Variants in NAV3 observed in about 807,000 individuals in gnomAD.
The protein encoded by NAV3 is neuron navigator 3, also known as pore membrane and/or filament interacting like protein 1.
In NAV3, 87 loss-of-function variants were observed where a neutral mutation model predicts 244.7. That is an observed-to-expected ratio of 0.36 (90% CI 0.30 to 0.42). The LOEUF (loss-of-function observed/expected upper bound fraction) is 0.42. Ranked by LOEUF, NAV3 falls within the 20% of genes least tolerant of loss-of-function variation. The pLI, the probability that NAV3 is intolerant of heterozygous loss-of-function variation, is 1.00. For synonymous variants in NAV3, 1,126 were observed against 1,042.2 expected, an observed-to-expected ratio of 1.08 and a Z score of -1.55; for missense variants, 2,663 against 2,893.3, an observed-to-expected ratio of 0.92 and a Z score of 1.83.
chr12:78,122,399 G>T lies in NAV3; in HGVS notation c.4209G>T (p.Thr1403=), dbSNP rs367571223. Residue 1403 remains threonine (T), a synonymous_variant, in exon 16 of 40, where the codon ACG becomes ACT. Transcript: ENST00000397909. ...THEVQSLLMR[T]GSVRSTLSES... is the part of the protein sequence containing the mutation. ...AGGTCCAGAGCCTGCTCATGAGAACGGGTAGTGTGAGATCTACTCTCTCAG... is the reference window on the plus strand; with the variant it reads ...AGGTCCAGAGCCTGCTCATGAGAACTGGTAGTGTGAGATCTACTCTCTCAG... 1.6e-5 allele frequency: 25 copies of T among 1,608,910 alleles called. No individual in the cohort carries two copies. The highest frequency in any genetic ancestry group is 2.1e-5 in the Non-Finnish European group (25 of 1,178,274).
chr12:77,929,095 A>T (rs958428991), intron 1 of NAV3, among the ~76,000 whole-genome samples: 1 of 152,178 alleles, frequency 6.6e-6, no homozygotes, highest in Non-Finnish European at 1.5e-5. Context: ...TGTAATAATG[A>T]TATTTATGCA....
chr12:78,067,404 G>A (rs1470213968), intron 12 of NAV3, among the ~76,000 whole-genome samples: 1 of 152,038 alleles, frequency 6.6e-6, no homozygotes, highest in East Asian at 1.9e-4. Context: ...TAATAGGGAC[G>A]TGGAAAAACT....
At chr12:77,957,239 G>A (rs893194451) in intron 3 of NAV3, among the ~76,000 whole-genome samples, 6 of 152,104 alleles carry the variant, frequency 3.9e-5, no homozygotes, top group Non-Finnish European at 8.8e-5. Context: ...GCTCACAAAG[G>A]CAAAGATCTT....
At chr12:77,625,716 G>A (rs1871588692) in intron 2 of NAV3, among the ~76,000 whole-genome samples, 2 of 152,124 alleles carry the variant, frequency 1.3e-5, no homozygotes, top group African/African-American at 4.8e-5. Context: ...ATCATATGGA[G>A]AATACACTAT....
chr12:77,764,097 C>T (rs1043674996), intron 2 of NAV3, among the ~76,000 whole-genome samples: 1 of 152,176 alleles, frequency 6.6e-6, no homozygotes, highest in African/African-American at 2.4e-5. Flanking sequence ...TAAATTTGTC[C>T]TTCTCAACTT....
chr12:77,983,618 T>C (rs1449450699), intron 5 of NAV3, among the ~76,000 whole-genome samples: 1 of 151,878 alleles, frequency 6.6e-6, no homozygotes, highest in Non-Finnish European at 1.5e-5. Context: ...GTTTTATTGA[T>C]TGAAACAATA....
At chr12:77,981,622 T>A (rs1422545677) in intron 5 of NAV3, among the ~76,000 whole-genome samples, 1 of 151,728 alleles carries the variant, frequency 6.6e-6, no homozygotes, top group Non-Finnish European at 1.5e-5. Flanking sequence ...TTATTCCCGA[T>A]TTTTTTTCTC....
intron 2 of NAV3, among the ~76,000 whole-genome samples, chr12:77,730,852 G>A (rs1877094879): frequency 6.6e-6 from 1 of 150,568 alleles, no homozygotes; most frequent in South Asian, 2.1e-4. Context: ...AATCTTAACA[G>A]CTTTCACAAG....
chr12:78,080,065 G>A (rs1391901655), intron 12 of NAV3, among the ~76,000 whole-genome samples: 1 of 152,094 alleles, frequency 6.6e-6, no homozygotes, highest in Non-Finnish European at 1.5e-5. Context: ...CACCCATTTT[G>A]TTGACAATAA....
intron 2 of NAV3, among the ~76,000 whole-genome samples, chr12:77,773,052 A>C (rs894438034): frequency 6.6e-6 from 1 of 152,180 alleles, no homozygotes; most frequent in African/African-American, 2.4e-5. Context: ...AAATGACAGA[A>C]ACAGATGGGT....
intron 2 of NAV3, among the ~76,000 whole-genome samples, chr12:77,652,539 A>G (rs1872874227): frequency 2.6e-5 from 4 of 152,200 alleles, no homozygotes; most frequent in Admixed American, 2.6e-4. Flanking sequence ...CCAAACTAGA[A>G]TACTAAAAAG....
intron 2 of NAV3, among the ~76,000 whole-genome samples, chr12:77,810,684 A>C (rs888769143): frequency 1.3e-5 from 2 of 152,186 alleles, no homozygotes; most frequent in South Asian, 4.1e-4. Context: ...ATTAAAATAG[A>C]ACTAAGATAT....
At chr12:77,759,842 C>T (rs2139715) in intron 2 of NAV3, among the ~76,000 whole-genome samples, 147,512 of 152,282 alleles carry the variant, frequency 0.97, 71,624 homozygotes, top group Middle Eastern at 1. Flanking sequence ...AATTAGTTGA[C>T]CTGCCCCTTA....
chr12:78,202,861 A>C (rs1464326396), intron 38 of NAV3, among the ~76,000 whole-genome samples: 2 of 152,104 alleles, frequency 1.3e-5, no homozygotes, highest in Non-Finnish European at 2.9e-5. Context: ...CAAAGGAATT[A>C]TATCTGTCGT....
chr12:77,821,297 T>A (rs891475806), intron 2 of NAV3, among the ~76,000 whole-genome samples: 3 of 152,202 alleles, frequency 2.0e-5, no homozygotes, highest in African/African-American at 7.2e-5. Flanking sequence ...CAGGCAGCAA[T>A]TACTTTAACT....
At chr12:77,941,962 T>TA (rs1171293370) in intron 3 of NAV3, among the ~76,000 whole-genome samples, 5 of 152,140 alleles carry the variant, frequency 3.3e-5, no homozygotes, top group Admixed American at 2.6e-4. Context: ...CTTGGAAGAA[T>TA]AAAAAAATCT....
intron 1 of NAV3, among the ~76,000 whole-genome samples, chr12:77,835,138 C>G (rs1874405975): frequency 6.6e-6 from 1 of 152,118 alleles, no homozygotes; most frequent in African/African-American, 2.4e-5. Context: ...GCTCACACCT[C>G]ATAGTCTTGA....
At position 78,209,340 on chromosome 12, in the gene NAV3, A is replaced by G. The variant is rs1328552932; in HGVS notation, c.7039-1058A>G. On this transcript the variant is annotated intron_variant, in intron 39 of 39. Coordinates refer to ENST00000397909, the MANE Select transcript of NAV3 (RefSeq NM_001024383.2). ...ATCGTTTTTTAGATTTCTCCTTTCT[A>G]TTTCTGTAAGTTGGAAAAAAAAAAC... 2.3e-5 allele frequency among the ~76,000 whole-genome samples: 3 copies of G among 128,246 alleles called. No individual in the cohort carries two copies. The Admixed American group carries it at 2.6e-4, about 11-fold the overall frequency. 84.1% of individuals were successfully genotyped at this position (128,246 alleles called of 152,430 possible).
intron 8 of NAV3, among the ~76,000 whole-genome samples, chr12:78,017,834 A>C (rs1369431882): frequency 6.6e-6 from 1 of 152,182 alleles, no homozygotes; most frequent in Non-Finnish European, 1.5e-5. Flanking sequence ...GATTTAACTC[A>C]ACTTCTTTGA....
Sources: gnomAD v4.1 joint callset for allele counts (sites outside exome capture counted in the v4.1 genomes callset) on GRCh38, gnomAD v4.1.1 for gene constraint, MANE v1.5 for transcripts, NCBI Gene and HGNC (gene_info 2026-07-23, HGNC 2026-07-21) for gene names.